APOOL: variants seen among roughly 807,000 people sequenced by gnomAD.
The protein encoded by APOOL is MICOS complex subunit MIC27.
APOOL carries 12 observed loss-of-function variants against 23.1 expected under a neutral mutation model. The observed-to-expected ratio is 0.52, with a 90% CI of 0.33 to 0.84. APOOL has a LOEUF of 0.84. Ranked by LOEUF, APOOL falls within the 40% of genes least tolerant of loss-of-function variation. APOOL has a pLI of 0.02. For synonymous variants in APOOL, 77 were observed against 69.9 expected, an observed-to-expected ratio of 1.10 and a Z score of -0.51; for missense variants, 212 against 199.6, an observed-to-expected ratio of 1.06 and a Z score of -0.37.
chrX:85,059,852 C>G (rs1459304663), intron 5 of APOOL, among the ~76,000 whole-genome samples: 1 of 110,523 alleles, frequency 9.0e-6, no homozygotes, highest in Admixed American at 9.7e-5. Flanking sequence ...ATGGTAGTTT[C>G]TTTTGCTGTG....
chrX:85,077,101 A>G (rs975431374), intron 8 of APOOL, among the ~76,000 whole-genome samples: 1 of 101,759 alleles, frequency 9.8e-6, no homozygotes, highest in Non-Finnish European at 2.0e-5. Context: ...ATACACACAC[A>G]TATATATATA....
chrX:85,057,445 C>T (rs1423697946), intron 5 of APOOL, among the ~76,000 whole-genome samples: 6 of 106,879 alleles, frequency 5.6e-5, no homozygotes, highest in Non-Finnish European at 1.2e-4. Flanking sequence ...ATTATAAGAA[C>T]ATTCTAGTAT....
chrX:85,006,568 A>G (rs774495224), intron 1 of APOOL, among the ~76,000 whole-genome samples: 5 of 110,488 alleles, frequency 4.5e-5, no homozygotes, highest in Non-Finnish European at 7.6e-5. Flanking sequence ...AAAAAAAAAA[A>G]AAACTAAAAA....
chrX:85,081,015 C>T (rs1924077056), intron 8 of APOOL, among the ~76,000 whole-genome samples: 1 of 111,120 alleles, frequency 9.0e-6, no homozygotes, highest in African/African-American at 3.3e-5. Flanking sequence ...CTCCTGAATC[C>T]AGCACACTGA....
At chrX:85,048,960 G>T (rs1209738319) in intron 2 of APOOL, among the ~76,000 whole-genome samples, 4 of 110,558 alleles carry the variant, frequency 3.6e-5, no homozygotes, top group Non-Finnish European at 5.7e-5. Context: ...AAAATGACTG[G>T]CAATTGGAAT....
At chrX:85,038,120 C>T (rs1325762004) in intron 1 of APOOL, among the ~76,000 whole-genome samples, 1 of 111,150 alleles carries the variant, frequency 9.0e-6, no homozygotes, top group Non-Finnish European at 1.9e-5. Flanking sequence ...TTTTTTGCGT[C>T]TATTAAGAGG....
chrX:85,012,912 G>C (rs1181357538), intron 1 of APOOL, among the ~76,000 whole-genome samples: 2 of 111,757 alleles, frequency 1.8e-5, no homozygotes, highest in Non-Finnish European at 3.8e-5. Flanking sequence ...AGTTTCAGTA[G>C]GATTGGTACC....
At chrX:85,070,402 C>T (rs780739590) in intron 6 of APOOL, among the ~76,000 whole-genome samples, 2 of 111,388 alleles carry the variant, frequency 1.8e-5, no homozygotes, top group Non-Finnish European at 3.8e-5. Context: ...TTATAATTTT[C>T]CTCACAATAT....
At position 85,051,394 on chromosome X, in the gene APOOL, C is replaced by T; in HGVS notation, c.126C>T (p.Pro42=). The T allele has an allele frequency of 8.3e-7, 1 of 1,209,836 alleles. No homozygotes were observed. The highest frequency in any genetic ancestry group is 1.1e-6 in the Non-Finnish European group (1 of 894,799). ...TGAACATTTTTTGCCTGTAGCTCCC[C>T]ATATATACTGCACCACCGCTCCAGT... The part of the protein sequence containing the change: ...KKQLVKPEQL[P]IYTAPPLQSK... Residue 42 remains proline (P), a synonymous_variant, in exon 3 of 9, where the codon CCC becomes CCT. Transcript: ENST00000373173.
chrX:85,078,986 TTGGGCCGAGACGA>T (rs1421171096), intron 8 of APOOL, among the ~76,000 whole-genome samples: 1 of 111,716 alleles, frequency 9.0e-6, no homozygotes, highest in Non-Finnish European at 1.9e-5. Flanking sequence ...TAAGGAGATT[TTGGGCCGAGACGA>T]TGGGGTTTTC....
rs201254587 is a variant in APOOL, at chrX:85,030,658, G to A, written c.16-15788G>A. ...TTCTAAATGAAGTAACTCAGGAATG[G>A]AAAGCCAAATACCCTCTGTTCTCAC... On this transcript the variant is annotated intron_variant, in intron 1 of 8. Transcript: ENST00000373173. Among the ~76,000 whole-genome samples the A allele has an allele frequency of 5.4e-5, 6 of 111,893 alleles. No individual in the cohort carries two copies. The East Asian group carries it at 1.7e-3, about 32-fold the overall frequency.
At chrX:85,027,408 C>T (rs1014688411) in intron 1 of APOOL, among the ~76,000 whole-genome samples, 3 of 111,121 alleles carry the variant, frequency 2.7e-5, no homozygotes, top group East Asian at 2.8e-4. Flanking sequence ...AACTATATAA[C>T]GGACGTTTTA....
chrX:85,038,136 AG>A (rs917646024), intron 1 of APOOL, among the ~76,000 whole-genome samples: 1 of 111,537 alleles, frequency 9.0e-6, no homozygotes, highest in African/African-American at 3.3e-5. Flanking sequence ...AGAGGATCAT[AG>A]GGTCTTGTTT....
At chrX:85,060,924 A>G (rs1262187540) in intron 5 of APOOL, among the ~76,000 whole-genome samples, 1 of 111,202 alleles carries the variant, frequency 9.0e-6, no homozygotes. Flanking sequence ...TGTGTTGAAC[A>G]GGAGTGGTGA....
intron 1 of APOOL, among the ~76,000 whole-genome samples, chrX:85,017,529 C>T (rs1489351269): frequency 9.0e-6 from 1 of 111,488 alleles, no homozygotes; most frequent in East Asian, 2.8e-4. Flanking sequence ...GTTCACACCC[C>T]CTATATTCTG....
At chrX:85,072,284 G>A (rs775376630) in intron 6 of APOOL, among the ~76,000 whole-genome samples, 1 of 111,204 alleles carries the variant, frequency 9.0e-6, no homozygotes, top group South Asian at 3.8e-4. Flanking sequence ...TTTAGATATT[G>A]GTTTTTAGCC....
intron 1 of APOOL, among the ~76,000 whole-genome samples, chrX:85,032,153 C>T (rs752908028): frequency 8.9e-6 from 1 of 112,358 alleles, no homozygotes; most frequent in Non-Finnish European, 1.9e-5. Context: ...AATACTTTAG[C>T]CTGATTAACA....
At chrX:85,011,794 CT>C (rs1459076301) in intron 1 of APOOL, among the ~76,000 whole-genome samples, 1 of 111,515 alleles carries the variant, frequency 9.0e-6, no homozygotes, top group Non-Finnish European at 1.9e-5. Context: ...CAGATTTGTT[CT>C]TTTTGCTTAG....
Position 85,087,798 on chromosome X carries a change from T to C in APOOL, c.*120T>C. On this transcript the variant is annotated 3_prime_UTR_variant, in exon 9 of 9. Transcript: ENST00000373173. ...TAGAGTATTACCTAAACCAAGTTTCTCCCTTACATTTCCAAATATGCCATT... is the reference window on the plus strand; with the variant it reads ...TAGAGTATTACCTAAACCAAGTTTCCCCCTTACATTTCCAAATATGCCATT... 5.3e-6 allele frequency: 3 copies of C among 565,930 alleles called. No individual in the cohort carries two copies. The South Asian group carries it at 1.4e-4, about 26-fold the overall frequency. The allele number at this position is 565,930 out of a possible 1,213,427, so 46.6% of individuals were successfully genotyped here. A position where few individuals can be genotyped will look rare whatever the true frequency, so the allele number is the denominator to read the frequency against.
Sources: allele counts gnomAD v4.1 joint callset (sites outside exome capture counted in the v4.1 genomes callset), GRCh38; gene constraint gnomAD v4.1.1; transcripts MANE v1.5; gene names NCBI Gene and HGNC (gene_info 2026-07-23, HGNC 2026-07-21).